HECW1: variants seen among roughly 807,000 people sequenced by gnomAD.
HECW1 encodes the protein HECT, C2 and WW domain containing E3 ubiquitin protein ligase 1.
HECW1 carries 61 observed loss-of-function variants against 182.3 expected under a neutral mutation model. The ratio of observed to expected loss-of-function variants is 0.33; its 90% CI spans 0.27 to 0.41. HECW1 has a LOEUF of 0.41. Ranked by LOEUF, HECW1 falls within the 10% of genes least tolerant of loss-of-function variation. HECW1 has a pLI of 1.00. For synonymous variants in HECW1, 859 were observed against 832.6 expected (o/e 1.03, Z -0.55); for missense variants, 1,739 against 2,108.9 (o/e 0.82, Z 3.44).
rs1040946867 is a variant in HECW1 at position 43,445,304 on chromosome 7, A to G, written c.2132A>G (p.Asn711Ser). ...SCYSPSCYNG[N>S]RFASHTRFSS... ...TACAGCCCCTCCTGCTACAACGGCA[A>G]CAGGTTCGCCAGCCACACGCGCTTC... Residue 711 changes from asparagine to serine, a missense_variant, in exon 11 of 30, where the codon AAC becomes AGC. This residue lies in a region of HECW1 where 971 missense variants were observed against 1,029.1 expected (regional missense o/e 0.94). Coordinates refer to ENST00000395891, the MANE Select transcript of HECW1 (RefSeq NM_015052.5). The G allele has an allele frequency of 1.3e-5, 21 of 1,613,372 alleles. No individual in the cohort carries two copies. The highest frequency in any genetic ancestry group is 1.8e-5 in the Non-Finnish European group (21 of 1,180,026).
chr7:43,148,962 T>C (rs1257983025), intron 2 of HECW1: 2 of 152,038 alleles, frequency 1.3e-5, no homozygotes, highest in Non-Finnish European at 2.9e-5. Flanking sequence ...CTCAAAAATG[T>C]AGGGACAGTT....
At chr7:43,269,366 C>T (rs768180528) in intron 3 of HECW1, among the ~76,000 whole-genome samples, 41 of 152,214 alleles carry the variant, frequency 2.7e-4, no homozygotes, top group Non-Finnish European at 5.1e-4. Context: ...ATCCCTTTCC[C>T]TGACACACAC....
chr7:43,332,748 A>T (rs1811659360), intron 5 of HECW1, among the ~76,000 whole-genome samples: 1 of 152,182 alleles, frequency 6.6e-6, no homozygotes, highest in Non-Finnish European at 1.5e-5. Flanking sequence ...TACTGTCCTG[A>T]GTAGAGGAAT....
chr7:43,237,168 G>T (rs1318276270), intron 2 of HECW1, among the ~76,000 whole-genome samples: 2 of 136,630 alleles, frequency 1.5e-5, no homozygotes, highest in Admixed American at 1.4e-4. Context: ...TAGGTAGGTA[G>T]GTAGGTAGGT....
chr7:43,226,143 A>G (rs1191594290), intron 2 of HECW1, among the ~76,000 whole-genome samples: 1 of 152,206 alleles, frequency 6.6e-6, no homozygotes, highest in Admixed American at 6.5e-5. Flanking sequence ...AAATGCCACT[A>G]AATACCATAT....
Position 43,323,600 on chromosome 7 carries a change from G to C in HECW1, c.460+2858G>C, listed in dbSNP as rs560877199. Among the ~76,000 whole-genome samples the C allele has an allele frequency of 2.6e-5, 4 of 152,214 alleles. No homozygotes were observed. In the South Asian group the frequency reaches 8.3e-4, roughly 32 times the overall value. ...AGCCTGGGCGGCAGAATGAGACCCT[G>C]TCTCATAAAACAAACACAACAACAA... On this transcript the variant is annotated intron_variant, in intron 5 of 29. Transcript: ENST00000395891.
In HECW1 at chr7:43,451,680, A is replaced by C. The variant is rs534756482; in HGVS notation, c.2500+751A>C. 3.3e-5 allele frequency among the ~76,000 whole-genome samples: 5 copies of C among 152,314 alleles called. No homozygotes were observed. The East Asian group carries it at 7.7e-4, about 23-fold the overall frequency. On this transcript the variant is annotated intron_variant, in intron 12 of 29. Transcript: ENST00000395891. ...GATACCATTCTAGCTTTAACTTCAT[A>C]ATACTCCATTTAATAAATTTATAGG...
In HECW1 at chr7:43,243,306, C is replaced by G. The variant is rs1325684039; in HGVS notation, c.-31-569C>G. 1.3e-5 allele frequency among the ~76,000 whole-genome samples: 2 copies of G among 152,148 alleles called. No individual in the cohort carries two copies. Among genetic ancestry groups the G allele is most frequent in the Admixed American group, 1.3e-4 (2 of 15,282 alleles). On this transcript the variant is annotated intron_variant, in intron 2 of 29. Coordinates refer to ENST00000395891, the MANE Select transcript of HECW1 (RefSeq NM_015052.5). This position sits in a 1 kb window ranked among gnomAD's most constrained non-coding sequence, Gnocchi z 4.0. ...AGCTCTAAAGTGCCAATGGTGAGAC[C>G]AGTGATGCCAAGTTTATTGTGGTGA...
rs371345997 is a variant in HECW1, at chr7:43,317,879, T to C, written c.353-2756T>C. Reference sequence around the variant, plus strand: ...TGCCATCCTCGTCATCCTTTGCTGATTCTTCCCACCTCCCCTTCATCCTTT... The same window carrying C: ...TGCCATCCTCGTCATCCTTTGCTGACTCTTCCCACCTCCCCTTCATCCTTT... On this transcript the variant is annotated intron_variant, in intron 4 of 29. Transcript: ENST00000395891. Among the ~76,000 whole-genome samples, 26 of 151,300 alleles carry C rather than the reference T, an allele frequency of 1.7e-4. 1 individual carries two copies. Among genetic ancestry groups the C allele is most frequent in the African/African-American group, 6.1e-4 (25 of 41,198 alleles).
chr7:43,479,165 A>T (rs73329819), intron 16 of HECW1, among the ~76,000 whole-genome samples: 130 of 152,330 alleles, frequency 8.5e-4, no homozygotes, highest in African/African-American at 3.0e-3. Flanking sequence ...AAATAATCCT[A>T]TAGCTCACTG....
intron 22 of HECW1, 30 bp downstream of exon 22, chr7:43,507,287 C>A: frequency 6.2e-7 from 1 of 1,605,624 alleles, no homozygotes; most frequent in South Asian, 1.1e-5. Context: ...GCACTGAATT[C>A]AGACAGTAGA....
intron 5 of HECW1, among the ~76,000 whole-genome samples, chr7:43,350,001 T>G (rs182227573): frequency 6.6e-6 from 1 of 152,230 alleles, no homozygotes; most frequent in African/African-American, 2.4e-5. Context: ...TGACGTGTTT[T>G]CAGGATTTGT....
At position 43,249,648 on chromosome 7, in the gene HECW1, T is replaced by C. The variant is rs150097458; in HGVS notation, c.27+5716T>C. On this transcript the variant is annotated intron_variant, in intron 3 of 29. Transcript: ENST00000395891. Reference sequence around the variant, plus strand: ...GGGCATGCACACTGCATAGCTATTTTCTTCAGGCAGCATGTGGCCAAAAAA... The same window carrying C: ...GGGCATGCACACTGCATAGCTATTTCCTTCAGGCAGCATGTGGCCAAAAAA... Among the ~76,000 whole-genome samples the C allele has an allele frequency of 2.3e-3, 346 of 152,348 alleles. 3 individuals are homozygous for C. The highest frequency in any genetic ancestry group is 8.2e-3 in the African/African-American group (339 of 41,582).
chr7:43,373,399 C>G (rs1419211227), intron 6 of HECW1, among the ~76,000 whole-genome samples: 1 of 151,974 alleles, frequency 6.6e-6, no homozygotes, highest in African/African-American at 2.4e-5. Flanking sequence ...CTCAAGTGAT[C>G]CTCCTGCCTT....
At chr7:43,212,057 T>C (rs1425916902) in intron 2 of HECW1, among the ~76,000 whole-genome samples, 1 of 152,230 alleles carries the variant, frequency 6.6e-6, no homozygotes, top group South Asian at 2.1e-4. Context: ...CCCCTACCCA[T>C]ATTTCAATGT....
intron 16 of HECW1, among the ~76,000 whole-genome samples, chr7:43,475,167 A>G (rs1298588881): frequency 6.6e-6 from 1 of 152,194 alleles, no homozygotes; most frequent in Non-Finnish European, 1.5e-5. Context: ...AAAAAGGAAA[A>G]GGGCCCCAAA....
intron 6 of HECW1, among the ~76,000 whole-genome samples, chr7:43,378,139 C>T (rs1408170807): frequency 6.6e-6 from 1 of 152,154 alleles, no homozygotes; most frequent in Non-Finnish European, 1.5e-5. Flanking sequence ...TGAAAAAAAG[C>T]TTGCTTGCTT....
intron 5 of HECW1, among the ~76,000 whole-genome samples, chr7:43,333,143 C>CT (rs1811702696): frequency 6.6e-6 from 1 of 152,192 alleles, no homozygotes. Flanking sequence ...GGAGTCATTC[C>CT]TGGGGGCCTT....
At chr7:43,152,285 G>A (rs1376729538) in intron 2 of HECW1, among the ~76,000 whole-genome samples, 2 of 152,150 alleles carry the variant, frequency 1.3e-5, no homozygotes, top group African/African-American at 2.4e-5. Context: ...TAGTACATAC[G>A]TGAGACAGTT....
Sources: gnomAD v4.1 joint callset for allele counts (sites outside exome capture counted in the v4.1 genomes callset) on GRCh38, gnomAD v4.1.1 for gene constraint, gnomAD v4.1.1 regional missense constraint, Gnocchi (gnomAD v3.1) non-coding constraint, MANE v1.5 for transcripts, NCBI Gene and HGNC (gene_info 2026-07-23, HGNC 2026-07-21) for gene names.